Variants in RORB observed in about 807,000 individuals in gnomAD.
RORB encodes the protein nuclear receptor ROR-beta.
Under a neutral mutation model 59.1 loss-of-function variants are expected in RORB, and 6 were observed. The observed-to-expected ratio is 0.10, with a 90% CI of 0.06 to 0.20. RORB has a LOEUF of 0.20. Ranked by LOEUF, RORB falls within the 10% of genes least tolerant of loss-of-function variation. The probability of loss-of-function intolerance (pLI) is 1.00; values close to 1 mark genes in which losing one functional copy is unlikely to be tolerated. For missense variants in RORB, 320 were observed against 560.5 expected (o/e 0.57, Z 4.33); for synonymous variants, 215 against 204.5 (o/e 1.05, Z -0.44).
intron 2 of RORB, among the ~76,000 whole-genome samples, chr9:74,632,578 T>C (rs1384631904): frequency 6.6e-6 from 1 of 152,124 alleles, no homozygotes; most frequent in African/African-American, 2.4e-5. Context: ...CCCTTTTTCA[T>C]GCCAAAAACC....
At chr9:74,527,765 C>T (rs1223678410) in intron 1 of RORB, among the ~76,000 whole-genome samples, 1 of 151,976 alleles carries the variant, frequency 6.6e-6, no homozygotes. Context: ...TAGGAGTTGT[C>T]CCTTCAAATC....
chr9:74,586,600 C>CGCGTGTGT (rs1554668277), intron 1 of RORB, among the ~76,000 whole-genome samples: 4 of 141,200 alleles, frequency 2.8e-5, no homozygotes, highest in Non-Finnish European at 6.1e-5. Flanking sequence ...ATGTAATGTC[C>CGCGTGTGT]GTGTGTGTGT....
At chr9:74,660,808 A>G (rs1824169071) in intron 5 of RORB, 70 bp downstream of exon 5, 2 of 1,501,400 alleles carry the variant, frequency 1.3e-6, no homozygotes, top group South Asian at 1.3e-5. Flanking sequence ...GCTCAGCACT[A>G]TTGGCATGTT....
intron 1 of RORB, among the ~76,000 whole-genome samples, chr9:74,618,950 T>C (rs1264020429): frequency 6.6e-6 from 1 of 152,224 alleles, no homozygotes; most frequent in African/African-American, 2.4e-5. Flanking sequence ...GGTTGAACTA[T>C]ATGAAATTGG....
At chr9:74,539,374 T>C (rs1218878852) in intron 1 of RORB, among the ~76,000 whole-genome samples, 1 of 152,214 alleles carries the variant, frequency 6.6e-6, no homozygotes, top group Non-Finnish European at 1.5e-5. Context: ...ACTTCTATCA[T>C]GCTGTAAAAA....
intron 1 of RORB, among the ~76,000 whole-genome samples, chr9:74,521,644 C>G (rs1826087206): frequency 6.6e-6 from 1 of 151,780 alleles, no homozygotes; most frequent in African/African-American, 2.4e-5. Context: ...ATTATATCAT[C>G]TGGAAAACTT....
chr9:74,548,090 G>A (rs1242728630), intron 1 of RORB, among the ~76,000 whole-genome samples: 2 of 152,152 alleles, frequency 1.3e-5, no homozygotes, highest in African/African-American at 4.8e-5. Flanking sequence ...TGGAGTGTGA[G>A]AAAGCACTCA....
intron 4 of RORB, among the ~76,000 whole-genome samples, chr9:74,646,870 C>T (rs991374719): frequency 6.6e-5 from 10 of 152,022 alleles, no homozygotes; most frequent in African/African-American, 2.2e-4. Context: ...ACGTTCTGGG[C>T]GGGATGCTAC....
At chr9:74,524,210 G>C (rs1429047972) in intron 1 of RORB, among the ~76,000 whole-genome samples, 1 of 151,650 alleles carries the variant, frequency 6.6e-6, no homozygotes, top group South Asian at 2.1e-4. Context: ...AGTTTGTCCT[G>C]GATGGCAAGT....
At chr9:74,629,869 A>G (rs1209681282) in intron 1 of RORB, among the ~76,000 whole-genome samples, 1 of 152,170 alleles carries the variant, frequency 6.6e-6, no homozygotes, top group Non-Finnish European at 1.5e-5. Context: ...TTATGTATTT[A>G]TTTTAAATAT....
In RORB at chr9:74,630,254, G is replaced by A. The variant is rs774803155; in HGVS notation, c.8-28G>A. 7 of 1,608,396 alleles carry A rather than the reference G, an allele frequency of 4.4e-6. No individual in the cohort carries two copies. In the East Asian group the frequency reaches 1.6e-4, roughly 36 times the overall value. ...GAAAGGAGAAAGAAAACATCTGTAT[G>A]CTCAAAATGTCTGTTTTCTCCTTTC... On this transcript the variant is annotated intron_variant, in intron 1 of 9. Transcript: ENST00000376896.
intron 1 of RORB, among the ~76,000 whole-genome samples, chr9:74,537,772 G>A (rs1427149912): frequency 6.6e-6 from 1 of 151,986 alleles, no homozygotes; most frequent in Admixed American, 6.6e-5. Context: ...TCTGATGAGG[G>A]TACCATAAAT....
At chr9:74,502,088 GTTAACA>G (rs1161358016) in intron 1 of RORB, among the ~76,000 whole-genome samples, 3 of 151,936 alleles carry the variant, frequency 2.0e-5, no homozygotes, top group Non-Finnish European at 4.4e-5. Flanking sequence ...AAATATGAAT[GTTAACA>G]TTTACTTATT....
intron 1 of RORB, among the ~76,000 whole-genome samples, chr9:74,524,445 G>A (rs1330196836): frequency 6.6e-6 from 1 of 151,846 alleles, no homozygotes; most frequent in African/African-American, 2.4e-5. Context: ...AAATTCAAAG[G>A]TCTTGACTTC....
intron 3 of RORB, among the ~76,000 whole-genome samples, chr9:74,638,888 C>A (rs1459875931): frequency 6.6e-6 from 1 of 152,194 alleles, no homozygotes; most frequent in East Asian, 1.9e-4. Context: ...GATTTAGGAT[C>A]ATACCTGAAA....
chr9:74,677,022 G>A (rs1305409291), intron 9 of RORB, among the ~76,000 whole-genome samples: 1 of 152,194 alleles, frequency 6.6e-6, no homozygotes, highest in African/African-American at 2.4e-5. Context: ...GTGGGCCACA[G>A]AGGAGACAGA....
chr9:74,635,255 C>G (rs1823682122), intron 3 of RORB, among the ~76,000 whole-genome samples: 1 of 152,156 alleles, frequency 6.6e-6, no homozygotes, highest in Non-Finnish European at 1.5e-5. Context: ...GTCATAGCTA[C>G]CCAGAGGAGG....
intron 1 of RORB, among the ~76,000 whole-genome samples, chr9:74,544,912 A>T (rs1042567423): frequency 5.9e-5 from 9 of 152,282 alleles, no homozygotes; most frequent in African/African-American, 2.2e-4. Context: ...ATGGCCACTG[A>T]CTGGTCAGGC....
At position 74,642,438 on chromosome 9, in the gene RORB, A is replaced by G; in HGVS notation, c.260A>G (p.Lys87Arg). The G allele has an allele frequency of 6.2e-7, 1 of 1,611,292 alleles. No individual in the cohort carries two copies. Among genetic ancestry groups the G allele is most frequent in the South Asian group, 1.1e-5 (1 of 90,796 alleles). Residue 87 changes from lysine (K) to arginine (R), a missense_variant, in exon 4 of 10, where the codon AAG becomes AGG. Transcript: ENST00000376896. Reference sequence around the variant, plus strand: ...GCTGTGAAGTTTGGGAGGATGTCCAAGAAGCAAAGGGACAGCCTGTATGCT... The same window carrying G: ...GCTGTGAAGTTTGGGAGGATGTCCAGGAAGCAAAGGGACAGCCTGTATGCT... ...RDAVKFGRMS[K>R]KQRDSLYAEV...
Sources: allele counts gnomAD v4.1 joint callset (sites outside exome capture counted in the v4.1 genomes callset), GRCh38; gene constraint gnomAD v4.1.1; transcripts MANE v1.5; gene names NCBI Gene and HGNC (gene_info 2026-07-23, HGNC 2026-07-21).